Variants in PGCKA1 observed in about 807,000 individuals in gnomAD.
PGCKA1 encodes PDCD10 and GCKIII kinases associated 1, also known as PDCD10 and GCKIII kinases-associated protein 1.
At chr4:37,494,594 A>G in the PGCKA1 span, among the ~76,000 whole-genome samples, 1 of 152,184 alleles carries the variant, frequency 6.6e-6, no homozygotes, top group Non-Finnish European at 1.5e-5. Context: ...ATATGTGTGC[A>G]TATGTCTTTA....
the PGCKA1 span, among the ~76,000 whole-genome samples, chr4:37,482,907 A>T: frequency 1.7e-3 from 257 of 152,314 alleles, no homozygotes; most frequent in African/African-American, 5.9e-3. Flanking sequence ...ACTTTGAGGG[A>T]CTATTGGAAA....
chr4:37,487,737 A>G, the PGCKA1 span, among the ~76,000 whole-genome samples: 7 of 152,182 alleles, frequency 4.6e-5, no homozygotes, highest in Non-Finnish European at 8.8e-5. Flanking sequence ...CATATTCATG[A>G]ATCATACATT....
chr4:37,579,177 C>G, the PGCKA1 span, among the ~76,000 whole-genome samples: 67 of 152,194 alleles, frequency 4.4e-4, no homozygotes, highest in Non-Finnish European at 9.1e-4. Flanking sequence ...AACTTCATCC[C>G]CTCACTTTTT....
At chr4:37,546,405 A>G in the PGCKA1 span, among the ~76,000 whole-genome samples, 1 of 152,210 alleles carries the variant, frequency 6.6e-6, no homozygotes, top group African/African-American at 2.4e-5. Context: ...GTATGGAAGA[A>G]CATTGTGAAA....
chr4:37,592,409 G>A, the PGCKA1 span, among the ~76,000 whole-genome samples: 1 of 149,508 alleles, frequency 6.7e-6, no homozygotes, highest in African/African-American at 2.5e-5. Flanking sequence ...GGAAGGGACC[G>A]AGCTGGTTTG....
At chr4:37,542,750 A>G in the PGCKA1 span, among the ~76,000 whole-genome samples, 2 of 152,188 alleles carry the variant, frequency 1.3e-5, no homozygotes, top group Non-Finnish European at 2.9e-5. Context: ...GCAGCTCCAG[A>G]ATATTCAGAA....
At chr4:37,577,594 C>G in the PGCKA1 span, among the ~76,000 whole-genome samples, 10 of 151,822 alleles carry the variant, frequency 6.6e-5, no homozygotes, top group African/African-American at 2.4e-4. Flanking sequence ...TTCTTTTCTT[C>G]TGGGTTTGGT....
the PGCKA1 span, chr4:37,588,961 T>A: frequency 8.0e-7 from 1 of 1,246,590 alleles, no homozygotes; most frequent in Non-Finnish European, 1.2e-6. Context: ...GGGTCACTTT[T>A]AAAGACCATG....
At chr4:37,551,478 C>T in the PGCKA1 span, among the ~76,000 whole-genome samples, 1 of 152,098 alleles carries the variant, frequency 6.6e-6, no homozygotes, top group Non-Finnish European at 1.5e-5. Flanking sequence ...ACCAGTCAAA[C>T]CTTGACTATT....
chr4:37,459,830 T>G, the PGCKA1 span, among the ~76,000 whole-genome samples: 1 of 140,694 alleles, frequency 7.1e-6, no homozygotes, highest in African/African-American at 2.6e-5. Flanking sequence ...TGGTTTTTTT[T>G]TTTAATTTTA....
At chr4:37,531,136 T>C in the PGCKA1 span, among the ~76,000 whole-genome samples, 3 of 152,244 alleles carry the variant, frequency 2.0e-5, no homozygotes, top group Admixed American at 2.0e-4. Context: ...ATCTACTTTA[T>C]CTGAGGCGTT....
At chr4:37,456,638 G>C in the PGCKA1 span, among the ~76,000 whole-genome samples, 1 of 152,298 alleles carries the variant, frequency 6.6e-6, no homozygotes, top group East Asian at 1.9e-4. Flanking sequence ...ACCCTGACCT[G>C]GCCTTGGAGA....
the PGCKA1 span, among the ~76,000 whole-genome samples, chr4:37,582,622 A>G: frequency 1.3e-5 from 2 of 152,216 alleles, no homozygotes; most frequent in African/African-American, 2.4e-5. Flanking sequence ...TTTGCAGACT[A>G]TCCCTCGTTG....
At chr4:37,503,711 A>G in the PGCKA1 span, among the ~76,000 whole-genome samples, 7 of 152,152 alleles carry the variant, frequency 4.6e-5, no homozygotes, top group African/African-American at 1.7e-4. Context: ...AATGATGTTG[A>G]GCACCTTTTC....
chr4:37,489,747 A>G, the PGCKA1 span, among the ~76,000 whole-genome samples: 1 of 152,164 alleles, frequency 6.6e-6, no homozygotes, highest in South Asian at 2.1e-4. Context: ...AAAAATAAAT[A>G]AGTTTCCCTA....
chr4:37,590,232 G>T, the PGCKA1 span: 1 of 1,614,248 alleles, frequency 6.2e-7, no homozygotes, highest in South Asian at 1.1e-5. Context: ...CTCAGAGGCA[G>T]GGCTCAAAGA....
chr4:37,565,807 G>A, the PGCKA1 span, among the ~76,000 whole-genome samples: 208 of 152,316 alleles, frequency 1.4e-3, no homozygotes, highest in African/African-American at 4.6e-3. Flanking sequence ...CTGTGAGGGT[G>A]CTGCCAAAGG....
chr4:37,565,375 G>T, the PGCKA1 span, among the ~76,000 whole-genome samples: 2 of 152,144 alleles, frequency 1.3e-5, no homozygotes, highest in African/African-American at 4.8e-5. Flanking sequence ...CATGTAGAAG[G>T]GGGGGCTCTG....
chr4:37,501,584 A>G, the PGCKA1 span, among the ~76,000 whole-genome samples: 2 of 152,204 alleles, frequency 1.3e-5, no homozygotes, highest in East Asian at 3.9e-4. Flanking sequence ...GTGTTTCTGT[A>G]GTAGCTGGTA....
Sources: allele counts gnomAD v4.1 joint callset (sites outside exome capture counted in the v4.1 genomes callset), GRCh38; gene constraint gnomAD v4.1.1; transcripts MANE v1.5; gene names NCBI Gene and HGNC (gene_info 2026-07-23, HGNC 2026-07-21).